GATA4: variants seen among roughly 807,000 people sequenced by gnomAD.
GATA4 encodes the protein GATA binding protein 4, also known as transcription factor GATA-4.
A neutral mutation model predicts 37.9 loss-of-function variants in GATA4; 7 were observed. The observed-to-expected ratio is 0.18, with a 90% CI of 0.11 to 0.35. The LOEUF (loss-of-function observed/expected upper bound fraction) is 0.35. Among genes scored for constraint, GATA4 ranks in the 10% least tolerant of loss-of-function variants. The pLI is 1.00. For missense variants in GATA4, 647 were observed against 653.0 expected (o/e 0.99, Z 0.10); for synonymous variants, 372 against 292.6 (o/e 1.27, Z -2.77).
chr8:11,703,893 G>A (rs1008816021), upstream of GATA4, among the ~76,000 whole-genome samples: 1 of 152,240 alleles, frequency 6.6e-6, no homozygotes, highest in African/African-American at 2.4e-5. Context: ...CACAGGAAGG[G>A]GGGGCGGGGA....
At chr8:11,733,514 G>T (rs1801305827) in intron 2 of GATA4, among the ~76,000 whole-genome samples, 1 of 152,176 alleles carries the variant, frequency 6.6e-6, no homozygotes, top group African/African-American at 2.4e-5. Context: ...GAATGGGGAG[G>T]CTGTGGCATA....
chr8:11,727,381 G>A (rs1469393662), intron 2 of GATA4, among the ~76,000 whole-genome samples: 1 of 152,204 alleles, frequency 6.6e-6, no homozygotes, highest in African/African-American at 2.4e-5. Context: ...ATAAGCAGCT[G>A]TTCCTGGTGA....
At chr8:11,755,309 C>A (rs1442287599) in intron 5 of GATA4, among the ~76,000 whole-genome samples, 176 bp downstream of exon 5, 1 of 152,154 alleles carries the variant, frequency 6.6e-6, no homozygotes, top group Non-Finnish European at 1.5e-5. Flanking sequence ...GTAACAATTG[C>A]CATGGAACGT....
intron 1 of GATA4, chr8:11,681,021 C>G (rs1798952481): frequency 1.1e-6 from 1 of 939,584 alleles, no homozygotes; most frequent in Non-Finnish European, 1.3e-6. Context: ...TCCCATACCC[C>G]AGGCTGCAAA....
chr8:11,686,306 T>A (rs1585552086), intron 1 of GATA4, among the ~76,000 whole-genome samples: 1 of 152,022 alleles, frequency 6.6e-6, no homozygotes, highest in Admixed American at 6.5e-5. Context: ...CTTTTATTAA[T>A]TAGCAAATAA....
chr8:11,734,874 A>C (rs1009854049), intron 2 of GATA4, among the ~76,000 whole-genome samples: 3 of 152,220 alleles, frequency 2.0e-5, no homozygotes, highest in Non-Finnish European at 2.9e-5. Context: ...CCAACCTCCA[A>C]ATACCATCAC....
At chr8:11,717,560 T>C (rs1257944117) in intron 2 of GATA4, among the ~76,000 whole-genome samples, 1 of 152,154 alleles carries the variant, frequency 6.6e-6, no homozygotes, top group African/African-American at 2.4e-5. Flanking sequence ...AGGATTGTAC[T>C]TTCCCCCTTT....
chr8:11,700,391 G>A (rs1799633430), upstream of GATA4: 2 of 152,272 alleles, frequency 1.3e-5, no homozygotes, highest in African/African-American at 4.8e-5. Flanking sequence ...CAGGGCGGAG[G>A]CTCTACGTCC....
upstream of GATA4, among the ~76,000 whole-genome samples, chr8:11,702,358 G>A (rs1381705931): frequency 6.6e-6 from 1 of 151,936 alleles, no homozygotes; most frequent in Admixed American, 6.5e-5. The surrounding 1 kb of genome is among the most constrained non-coding windows in gnomAD (Gnocchi z 4.4). Context: ...GATTTCCTCC[G>A]AGAAAAGAAA....
chr8:11,683,044 G>GGTGTCTCTT, intron 1 of GATA4: 1 of 985,276 alleles, frequency 1.0e-6, no homozygotes, highest in Non-Finnish European at 1.2e-6. Flanking sequence ...GGGGTTTCTC[G>GGTGTCTCTT]ACAGCTCTCT....
chr8:11,696,117 G>A (rs1333850994), intron 1 of GATA4, among the ~76,000 whole-genome samples: 1 of 152,086 alleles, frequency 6.6e-6, no homozygotes, highest in Non-Finnish European at 1.5e-5. Context: ...TTTTTTCAAA[G>A]CCAGATTTAT....
At chr8:11,730,876 G>A (rs533981283) in intron 2 of GATA4, among the ~76,000 whole-genome samples, 2 of 152,358 alleles carry the variant, frequency 1.3e-5, no homozygotes, top group African/African-American at 4.8e-5. Flanking sequence ...TCCCCGGCCA[G>A]TGCCCTCTCT....
At chr8:11,682,604 TA>T (rs34065675) in intron 1 of GATA4, among the ~76,000 whole-genome samples, 119,022 of 152,020 alleles carry the variant, frequency 0.78, 48,492 homozygotes, top group East Asian at 0.89. Context: ...CTTTAACTCT[TA>T]AAAAAAAATT....
At chr8:11,720,289 T>C (rs1167536914) in intron 2 of GATA4, among the ~76,000 whole-genome samples, 3 of 152,042 alleles carry the variant, frequency 2.0e-5, no homozygotes, top group African/African-American at 7.3e-5. Flanking sequence ...ACTTTGTCTT[T>C]CCCGGTACCA....
At chr8:11,737,089 A>G (rs888476093) in intron 2 of GATA4, among the ~76,000 whole-genome samples, 7 of 152,074 alleles carry the variant, frequency 4.6e-5, no homozygotes, top group African/African-American at 1.7e-4. Flanking sequence ...GCAGGAGAAG[A>G]AGATGTAAAG....
upstream of GATA4, among the ~76,000 whole-genome samples, chr8:11,701,705 C>G (rs1249572623): frequency 6.6e-6 from 1 of 152,152 alleles, no homozygotes; most frequent in African/African-American, 2.4e-5. Flanking sequence ...AAAGTTGGGG[C>G]GCTGGACCTA....
chr8:11,711,324 A>G (rs911304404), intron 2 of GATA4, among the ~76,000 whole-genome samples: 3 of 152,122 alleles, frequency 2.0e-5, no homozygotes, highest in African/African-American at 4.8e-5. Context: ...CAGCCTTTGA[A>G]TCTGGCCTAG....
intron 4 of GATA4, among the ~76,000 whole-genome samples, chr8:11,753,448 G>T (rs1165757690): frequency 6.6e-6 from 1 of 151,552 alleles, no homozygotes; most frequent in Non-Finnish European, 1.5e-5. Flanking sequence ...CTTCAGAATG[G>T]TTCAGATGGT....
At chr8:11,679,371 C>T (rs890299204) in intron 1 of GATA4, among the ~76,000 whole-genome samples, 5 of 152,180 alleles carry the variant, frequency 3.3e-5, no homozygotes, top group African/African-American at 4.8e-5. Context: ...TCGCGCCGCA[C>T]GACTGTAGGT....
Sources: gnomAD v4.1 joint callset for allele counts (sites outside exome capture counted in the v4.1 genomes callset) on GRCh38, gnomAD v4.1.1 for gene constraint, Gnocchi (gnomAD v3.1) non-coding constraint, MANE v1.5 for transcripts, NCBI Gene and HGNC (gene_info 2026-07-23, HGNC 2026-07-21) for gene names.